The following GCNT1 variants were observed in gnomAD, a reference collection of about 807,000 sequenced individuals.
The protein encoded by GCNT1 is beta-1,3-galactosyl-O-glycosyl-glycoprotein beta-1,6-N-acetylglucosaminyltransferase.
Under a neutral mutation model 26.2 loss-of-function variants are expected in GCNT1, and 16 were observed. The observed-to-expected ratio is 0.61, with a 90% confidence interval of 0.41 to 0.93. The LOEUF is 0.93. Ranked by LOEUF, GCNT1 falls within the 40% of genes least tolerant of loss-of-function variation. The probability of loss-of-function intolerance (pLI) is 0.00; values close to 1 mark genes in which losing one functional copy is unlikely to be tolerated. For missense variants in GCNT1, 477 were observed against 526.7 expected, an observed-to-expected ratio of 0.91 and a Z score of 0.92; for synonymous variants, 183 against 190.8, an observed-to-expected ratio of 0.96 and a Z score of 0.34.
intron 2 of GCNT1, among the ~76,000 whole-genome samples, chr9:76,461,752 G>A (rs919542859): frequency 2.0e-5 from 3 of 151,832 alleles, no homozygotes; most frequent in Admixed American, 6.6e-5. Context: ...AGCCAGGTGT[G>A]GTGGTGGGCA....
chr9:76,469,316 T>C lies in GCNT1; in HGVS notation c.-290+9139T>C, dbSNP rs569412708. On this transcript the variant is annotated intron_variant, in intron 2 of 3. Transcript: ENST00000376730. ...AGGTAACCGCATCCACCTTTAAACA[T>C]GGGGCTTGCAACTTAGCTCACACCC... Among the ~76,000 whole-genome samples, 6 of 152,296 alleles carry C rather than the reference T, an allele frequency of 3.9e-5. No homozygotes were observed. In the East Asian group the frequency reaches 1.2e-3, roughly 29 times the overall value.
chr9:76,394,635 C>G, the GCNT1 span: 6 of 155,514 alleles, frequency 3.9e-5, no homozygotes, highest in African/African-American at 1.4e-4. Context: ...CGCCTAATGT[C>G]TGGATCCCGG....
intron 2 of GCNT1, among the ~76,000 whole-genome samples, chr9:76,461,450 G>T (rs1371003155): frequency 6.6e-6 from 1 of 151,838 alleles, no homozygotes; most frequent in Non-Finnish European, 1.5e-5. Flanking sequence ...GGGCGTGGTG[G>T]CTAGGCGCCT....
upstream of GCNT1, among the ~76,000 whole-genome samples, chr9:76,415,911 A>G (rs10125667): frequency 0.39 from 58,791 of 151,934 alleles, 12,052 homozygotes; most frequent in Non-Finnish European, 0.44. Flanking sequence ...GATTGCTCTC[A>G]TGCTTCCTGG....
Position 76,505,097 on chromosome 9 carries a change from A to G in GCNT1, c.*1429A>G, listed in dbSNP as rs1825203406. ...CTGTTCAGCAAACAAGCTACCAGGAACTGTGAGGCTTTGTCATTTAGCATT... is the reference window on the plus strand; with the variant it reads ...CTGTTCAGCAAACAAGCTACCAGGAGCTGTGAGGCTTTGTCATTTAGCATT... On this transcript the variant is annotated 3_prime_UTR_variant, in exon 4 of 4. Transcript: ENST00000376730. 4.9e-6 allele frequency: 2 copies of G among 411,968 alleles called. No homozygotes were observed. The highest frequency in any genetic ancestry group is 7.1e-5 in the East Asian group (2 of 28,072). 25.5% of individuals were successfully genotyped at this position (411,968 alleles called of 1,614,324 possible).
At chr9:76,490,315 C>T (rs182857186) in intron 2 of GCNT1, among the ~76,000 whole-genome samples, 2 of 152,170 alleles carry the variant, frequency 1.3e-5, no homozygotes, top group Non-Finnish European at 1.5e-5. Context: ...ATTGTAGTTA[C>T]TATCCTTACT....
At chr9:76,449,884 A>G (rs925064964) in intron 1 of GCNT1, among the ~76,000 whole-genome samples, 1 of 152,046 alleles carries the variant, frequency 6.6e-6, no homozygotes, top group African/African-American at 2.4e-5. Flanking sequence ...CCTGGGCTCA[A>G]GTGATTCTCA....
the GCNT1 span, among the ~76,000 whole-genome samples, chr9:76,398,277 T>C: frequency 6.6e-6 from 1 of 152,206 alleles, no homozygotes; most frequent in Non-Finnish European, 1.5e-5. Flanking sequence ...GCAACTCAAT[T>C]AAAAAATGAG....
At chr9:76,498,480 A>G (rs1824968501) in intron 2 of GCNT1, among the ~76,000 whole-genome samples, 1 of 152,118 alleles carries the variant, frequency 6.6e-6, no homozygotes, top group Non-Finnish European at 1.5e-5. Flanking sequence ...ATGAGATAAA[A>G]AATACACTAG....
intron 2 of GCNT1, among the ~76,000 whole-genome samples, chr9:76,494,233 C>A (rs1364683757): frequency 3.3e-5 from 5 of 152,160 alleles, no homozygotes; most frequent in Non-Finnish European, 7.3e-5. Flanking sequence ...TGAAAACCTG[C>A]ACCCTTGCGT....
At chr9:76,469,168 A>G (rs1003556181) in intron 2 of GCNT1, among the ~76,000 whole-genome samples, 1 of 152,202 alleles carries the variant, frequency 6.6e-6, no homozygotes, top group African/African-American at 2.4e-5. Flanking sequence ...AATTGAAGTA[A>G]TAAGTTTTAT....
the GCNT1 span, among the ~76,000 whole-genome samples, chr9:76,397,569 G>A: frequency 4.6e-4 from 70 of 151,766 alleles, no homozygotes; most frequent in Middle Eastern, 3.4e-3. Context: ...TCAGCCTCCC[G>A]AGTAGCTGGG....
At chr9:76,394,689 C>A in the GCNT1 span, among the ~76,000 whole-genome samples, 1 of 152,198 alleles carries the variant, frequency 6.6e-6, no homozygotes. Flanking sequence ...GTGGAAACCC[C>A]GTTTTCAGCC....
At chr9:76,476,276 C>T (rs939420922) in intron 2 of GCNT1, among the ~76,000 whole-genome samples, 21 of 152,106 alleles carry the variant, frequency 1.4e-4, no homozygotes, top group African/African-American at 4.8e-4. Context: ...GCCCATGTGA[C>T]ACACAGGATG....
In GCNT1 at chr9:76,431,029, A is replaced by G. The variant is rs2131576765; in HGVS notation, n.38+11142A>G. ...TGCACACACATACACAGGAAAAAGA[A>G]TGAAAGAATATATATTGGAGTAGTT... On this transcript the variant is annotated intron_variant and non_coding_transcript_variant, in intron 1 of 3. Coordinates refer to the GCNT1 transcript ENST00000488136. Among the ~76,000 whole-genome samples the G allele has an allele frequency of 1.3e-5, 2 of 152,314 alleles. 1 individual carries two copies. Among genetic ancestry groups the G allele is most frequent in the Middle Eastern group, 6.8e-3 (2 of 294 alleles).
In GCNT1 at chr9:76,477,206, C is replaced by T. The variant is rs571436082; in HGVS notation, c.-290+17029C>T. ...CTGGGATTACAGGCACGAGCCACTG[C>T]GCCCAGCCTCTTAAATTAATTTTTA... On this transcript the variant is annotated intron_variant, in intron 2 of 3. Coordinates refer to ENST00000376730, the MANE Select transcript of GCNT1 (RefSeq NM_001490.5). 2.0e-5 allele frequency among the ~76,000 whole-genome samples: 3 copies of T among 152,044 alleles called. 1 individual carries two copies. In the South Asian group the frequency reaches 6.2e-4, roughly 32 times the overall value.
At chr9:76,412,394 T>C in the GCNT1 span, among the ~76,000 whole-genome samples, 1 of 152,244 alleles carries the variant, frequency 6.6e-6, no homozygotes, top group South Asian at 2.1e-4. Flanking sequence ...ATTTCTGACC[T>C]ACATTATTTT....
chr9:76,423,606 C>T (rs529989194), intron 1 of GCNT1, among the ~76,000 whole-genome samples: 1 of 152,296 alleles, frequency 6.6e-6, no homozygotes. Flanking sequence ...TTTTAATGAA[C>T]AAAAGAATCA....
rs117943918 is a variant in GCNT1 at position 76,452,501 on chromosome 9, C to T, written c.-290+10186C>T. ...GGTTTAATTGGCTCACAGTTCTGTA[C>T]GCTGCACAGAAAGCATGGCTTGGGA... On this transcript the variant is annotated intron_variant, in intron 1 of 2. Transcript: ENST00000442371. 7.5e-3 allele frequency among the ~76,000 whole-genome samples: 1,144 copies of T among 152,148 alleles called. 6 individuals are homozygous for T. The highest frequency in any genetic ancestry group is 8.7e-3 in the Non-Finnish European group (593 of 68,014).
Sources: allele counts gnomAD v4.1 joint callset (sites outside exome capture counted in the v4.1 genomes callset), GRCh38; gene constraint gnomAD v4.1.1; transcripts MANE v1.5; gene names NCBI Gene and HGNC (gene_info 2026-07-23, HGNC 2026-07-21).